Variants in MARCHF5 observed in about 807,000 individuals in gnomAD.
The protein encoded by MARCHF5 is E3 ubiquitin-protein ligase MARCHF5.
MARCHF5 carries 5 observed loss-of-function variants against 36.5 expected under a neutral mutation model. The observed-to-expected ratio is 0.14, with a 90% confidence interval of 0.07 to 0.29. MARCHF5 has a LOEUF of 0.29. Among genes scored for constraint, MARCHF5 ranks in the 10% least tolerant of loss-of-function variants. MARCHF5 has a pLI of 1.00. For synonymous variants in MARCHF5, 103 were observed against 109.9 expected (o/e 0.94, Z 0.39); for missense variants, 179 against 336.3 (o/e 0.53, Z 3.66).
chr10:92,317,105 TTTA>T (rs1000115527), intron 2 of MARCHF5, among the ~76,000 whole-genome samples: 1 of 152,096 alleles, frequency 6.6e-6, no homozygotes, highest in Non-Finnish European at 1.5e-5. Flanking sequence ...TTTATTTTCT[TTTA>T]TTATTATTAT....
At position 92,351,176 on chromosome 10, in the gene MARCHF5, T is replaced by C; in HGVS notation, c.806T>C (p.Ile269Thr). 6.2e-7 allele frequency: 1 copy of C among 1,612,972 alleles called. No individual in the cohort carries two copies. The highest frequency in any genetic ancestry group is 8.5e-7 in the Non-Finnish European group (1 of 1,179,128). Residue 269 changes from isoleucine to threonine, a missense_variant, in exon 6 of 6, where the codon ATT (isoleucine) becomes ACT (threonine). This residue lies in a region of MARCHF5 where 95 missense variants were observed against 139.5 expected (regional missense o/e 0.68). Coordinates refer to ENST00000358935, the MANE Select transcript of MARCHF5 (RefSeq NM_017824.5). The stretch of plus-strand genomic sequence containing the variant: ...TATTTACGACAGGCACACCGCAAAA[T>C]TCTGAATTATCCAGAACAAGAAGAA... ...QQYLRQAHRK[I>T]LNYPEQEEA
intron 1 of MARCHF5, among the ~76,000 whole-genome samples, chr10:92,308,982 G>A (rs2135184640): frequency 6.6e-6 from 1 of 152,298 alleles, no homozygotes; most frequent in South Asian, 2.1e-4. Context: ...TGGGATTACA[G>A]GCTTAAGCCA....
rs897099535 is a variant in MARCHF5, at chr10:92,291,201, T to C, written c.-294T>C. 7.8e-6 allele frequency: 4 copies of C among 510,334 alleles called. No homozygotes were observed. Among genetic ancestry groups the C allele is most frequent in the Non-Finnish European group, 1.4e-5 (4 of 290,798 alleles). 31.6% of individuals were successfully genotyped at this position (510,334 alleles called of 1,614,324 possible). ...AGGTAGCTCCTCCGCCGGCAGCAAC[T>C]CGGCGCCCGCGGTCCATGGACCGGA... On this transcript the variant is annotated 5_prime_UTR_variant, in exon 1 of 6. Coordinates refer to ENST00000358935, the MANE Select transcript of MARCHF5 (RefSeq NM_017824.5).
At chr10:92,293,283 T>C (rs1221268371) in intron 1 of MARCHF5, among the ~76,000 whole-genome samples, 4 of 151,998 alleles carry the variant, frequency 2.6e-5, no homozygotes, top group Non-Finnish European at 5.9e-5. Flanking sequence ...TTTTTGTATT[T>C]TTATAGAGCC....
intron 1 of MARCHF5, among the ~76,000 whole-genome samples, chr10:92,308,221 A>G (rs1017024034): frequency 2.0e-5 from 3 of 151,952 alleles, no homozygotes; most frequent in Non-Finnish European, 1.5e-5. Flanking sequence ...GATTATAGGC[A>G]TGAGCCACCG....
At chr10:92,325,809 C>G (rs1447735499) in intron 2 of MARCHF5, among the ~76,000 whole-genome samples, 1 of 152,136 alleles carries the variant, frequency 6.6e-6, no homozygotes, top group African/African-American at 2.4e-5. Flanking sequence ...TCCCGAGTAG[C>G]TGGGATTACA....
chr10:92,329,372 A>G (rs1843409799), intron 2 of MARCHF5, among the ~76,000 whole-genome samples: 1 of 152,236 alleles, frequency 6.6e-6, no homozygotes, highest in Non-Finnish European at 1.5e-5. Context: ...ACCATTTTAA[A>G]GTAAGAATAC....
intron 2 of MARCHF5, among the ~76,000 whole-genome samples, chr10:92,322,339 A>T: frequency 8.0e-6 from 1 of 124,342 alleles, no homozygotes; most frequent in Admixed American, 8.3e-5. Flanking sequence ...CCTAATATTT[A>T]TGTCCTTTCT....
At chr10:92,350,119 C>A in intron 5 of MARCHF5, 1 of 323,778 alleles carries the variant, frequency 3.1e-6, no homozygotes, top group Non-Finnish European at 5.6e-6. Flanking sequence ...CAGTACTTTA[C>A]GATCAGACCA....
rs964781371 is a variant in MARCHF5 at position 92,291,470 on chromosome 10, G to A, written c.-25G>A. 7 of 1,540,970 alleles carry A rather than the reference G, an allele frequency of 4.5e-6. No homozygotes were observed. The African/African-American group carries it at 9.6e-5, about 21-fold the overall frequency. On this transcript the variant is annotated 5_prime_UTR_variant, in exon 1 of 6. Transcript: ENST00000358935. ...GCCTTGAGCGGGTCCACTGGGGAAG[G>A]CCGTGTGCGCCGGCTCCGCGGAAGA...
chr10:92,297,850 T>A (rs1199849767), intron 1 of MARCHF5, among the ~76,000 whole-genome samples: 1 of 152,174 alleles, frequency 6.6e-6, no homozygotes, highest in African/African-American at 2.4e-5. Context: ...CTCTTTATTA[T>A]TTTTCCTGAT....
At chr10:92,314,492 A>T (rs1316041439) in intron 2 of MARCHF5, among the ~76,000 whole-genome samples, 1 of 152,064 alleles carries the variant, frequency 6.6e-6, no homozygotes, top group Admixed American at 6.6e-5. Flanking sequence ...AAATACAAAA[A>T]TTAGCCAGGC....
chr10:92,343,327 AT>A (rs757957102), intron 3 of MARCHF5, among the ~76,000 whole-genome samples: 9 of 151,970 alleles, frequency 5.9e-5, no homozygotes, highest in Non-Finnish European at 8.8e-5. Context: ...GCCTGCTGTG[AT>A]TCCTTCTTCC....
chr10:92,338,687 T>C (rs1382195251), intron 2 of MARCHF5, among the ~76,000 whole-genome samples: 2 of 152,226 alleles, frequency 1.3e-5, no homozygotes, highest in African/African-American at 2.4e-5. Context: ...AGCGATATTA[T>C]TGGCTCCAGT....
At chr10:92,349,251 T>C (rs1843690448) in intron 3 of MARCHF5, 98 bp from the exon 4 acceptor site, 2 of 895,572 alleles carry the variant, frequency 2.2e-6, no homozygotes, top group Non-Finnish European at 3.3e-6. Context: ...CTGTGTATTC[T>C]TTTGAAATTA....
At chr10:92,337,037 G>T (rs1285636882) in intron 2 of MARCHF5, among the ~76,000 whole-genome samples, 1 of 151,656 alleles carries the variant, frequency 6.6e-6, no homozygotes, top group Non-Finnish European at 1.5e-5. Context: ...GCAGAGGACT[G>T]CTTGAGCCCA....
Position 92,351,595 on chromosome 10 carries a change from A to G in MARCHF5, c.*388A>G, listed in dbSNP as rs1241212523. On this transcript the variant is annotated 3_prime_UTR_variant, in exon 6 of 6. Transcript: ENST00000358935. Reference sequence around the variant, plus strand: ...TGTTTAGTGTTTTCTCAGAATCAGCAACTCAAGGTACTATGAGGATTTTTC... The same window carrying G: ...TGTTTAGTGTTTTCTCAGAATCAGCGACTCAAGGTACTATGAGGATTTTTC... The G allele has an allele frequency of 1.3e-5, 2 of 154,590 alleles. No individual in the cohort carries two copies. Among genetic ancestry groups the G allele is most frequent in the Non-Finnish European group, 2.9e-5 (2 of 69,532 alleles). 9.6% of individuals were successfully genotyped at this position (154,590 alleles called of 1,614,324 possible).
chr10:92,302,496 G>C (rs955972933), intron 1 of MARCHF5, among the ~76,000 whole-genome samples: 3 of 148,674 alleles, frequency 2.0e-5, no homozygotes, highest in African/African-American at 7.5e-5. Flanking sequence ...CCAGGCTGGA[G>C]TGCAATGGCA....
In MARCHF5 at chr10:92,351,435, T is replaced by G. The variant is rs1336050195; in HGVS notation, c.*228T>G. ...ATGTACTACTTTTATGGCAGTCATA[T>G]GAACCATTATCTTAGCATGGTAAAC... On this transcript the variant is annotated 3_prime_UTR_variant, in exon 6 of 6. Coordinates refer to ENST00000358935, the MANE Select transcript of MARCHF5 (RefSeq NM_017824.5). 1 of 353,040 alleles carries G rather than the reference T, an allele frequency of 2.8e-6. No homozygotes were observed. Among genetic ancestry groups the G allele is most frequent in the African/African-American group, 2.1e-5 (1 of 47,044 alleles). 21.9% of individuals were successfully genotyped at this position (353,040 alleles called of 1,614,324 possible).
Sources: gnomAD v4.1 joint callset for allele counts (sites outside exome capture counted in the v4.1 genomes callset) on GRCh38, gnomAD v4.1.1 for gene constraint, gnomAD v4.1.1 regional missense constraint, MANE v1.5 for transcripts, NCBI Gene and HGNC (gene_info 2026-07-23, HGNC 2026-07-21) for gene names.